The following PPM1H variants were observed in gnomAD, a reference collection of about 807,000 sequenced individuals.
PPM1H encodes the protein protein phosphatase 1H.
A neutral mutation model predicts 54.9 loss-of-function variants in PPM1H; 27 were observed. The observed-to-expected ratio is 0.49, with a 90% CI of 0.36 to 0.68. The LOEUF (loss-of-function observed/expected upper bound fraction) is 0.68. Among genes scored for constraint, PPM1H ranks in the 30% least tolerant of loss-of-function variants. The pLI is 0.00. For synonymous variants in PPM1H, 305 were observed against 270.8 expected, an observed-to-expected ratio of 1.13 and a Z score of -1.24; for missense variants, 596 against 667.8, an observed-to-expected ratio of 0.89 and a Z score of 1.19.
chr12:62,903,582 T>C (rs1002911585), intron 1 of PPM1H, among the ~76,000 whole-genome samples: 1 of 152,182 alleles, frequency 6.6e-6, no homozygotes, highest in Admixed American at 6.5e-5. Flanking sequence ...TGATTTTAGA[T>C]ACACTCAGAC....
chr12:62,675,148 G>A (rs534145413), intron 8 of PPM1H, among the ~76,000 whole-genome samples: 1 of 152,322 alleles, frequency 6.6e-6, no homozygotes, highest in South Asian at 2.1e-4. Context: ...ATATGCCACA[G>A]ATACTCTTGA....
chr12:62,826,803 T>C (rs1472605467), intron 2 of PPM1H, among the ~76,000 whole-genome samples: 2 of 152,222 alleles, frequency 1.3e-5, no homozygotes, highest in Non-Finnish European at 2.9e-5. Context: ...CGGTTTGCCA[T>C]CCTTCATGCC....
At chr12:62,849,171 G>A (rs1869086524) in intron 1 of PPM1H, among the ~76,000 whole-genome samples, 1 of 152,150 alleles carries the variant, frequency 6.6e-6, no homozygotes, top group South Asian at 2.1e-4. Flanking sequence ...CATCTGGATT[G>A]CTCAGCACAT....
chr12:62,781,731 G>A (rs770217291), intron 4 of PPM1H, among the ~76,000 whole-genome samples: 1 of 152,238 alleles, frequency 6.6e-6, no homozygotes. Context: ...GTACCTGAGA[G>A]AGGAAGGTCA....
At chr12:62,830,546 C>T (rs1592622537) in intron 2 of PPM1H, among the ~76,000 whole-genome samples, 1 of 151,956 alleles carries the variant, frequency 6.6e-6, no homozygotes, top group African/African-American at 2.4e-5. Context: ...TGAGCCACCG[C>T]ACCCAGCCTG....
At chr12:62,930,585 C>T (rs699590) in intron 1 of PPM1H, among the ~76,000 whole-genome samples, 148,326 of 152,274 alleles carry the variant, frequency 0.97, 72,367 homozygotes, top group East Asian at 1. Context: ...GGATAAAAAT[C>T]GGGCAAACAG....
chr12:62,873,559 G>A (rs1233974418), intron 1 of PPM1H, among the ~76,000 whole-genome samples: 3 of 152,174 alleles, frequency 2.0e-5, no homozygotes, highest in Non-Finnish European at 4.4e-5. Flanking sequence ...ACACAGGGAG[G>A]TGAAAGTTAC....
chr12:62,857,128 T>C (rs2120955816), intron 1 of PPM1H, among the ~76,000 whole-genome samples: 1 of 152,304 alleles, frequency 6.6e-6, no homozygotes. Flanking sequence ...TTTCAGTGTG[T>C]GCGTGTGGTG....
chr12:62,808,294 G>C (rs2076816991), intron 2 of PPM1H, among the ~76,000 whole-genome samples: 1 of 152,078 alleles, frequency 6.6e-6, no homozygotes, highest in South Asian at 2.1e-4. Flanking sequence ...AACTGCTCTA[G>C]GTCACCACCT....
Position 62,934,661 on chromosome 12 carries a change from C to A in PPM1H, c.76G>T (p.Gly26Cys), listed in dbSNP as rs749669503. 2.5e-6 allele frequency: 4 copies of A among 1,601,364 alleles called. No individual in the cohort carries two copies. Among genetic ancestry groups the A allele is most frequent in the Admixed American group, 1.7e-5 (1 of 58,876 alleles). The change falls in exon 1 of 10, where the codon GGC (glycine) becomes TGC (cysteine). Residue 26 changes from glycine to cysteine, a missense_variant. By Grantham distance (159) the Gly-to-Cys change is radical (BLOSUM62 -3). This residue lies in a region of PPM1H where 382 missense variants were observed against 387.1 expected (regional missense o/e 0.99). Coordinates refer to ENST00000228705, the MANE Select transcript of PPM1H (RefSeq NM_020700.2). The surrounding 1 kb of genome is among the most constrained non-coding windows in gnomAD (Gnocchi z 4.2). ...IMAGSSGSEH[G>C]GGSCGGSDLP... Reference sequence around the variant, plus strand: ...TCCGAGCCTCCGCAGCTGCCGCCGCCGTGCTCGGAGCCTGAGCTGCCAGCC... The same window carrying A: ...TCCGAGCCTCCGCAGCTGCCGCCGCAGTGCTCGGAGCCTGAGCTGCCAGCC...
At chr12:62,794,975 G>A (rs570651859) in intron 3 of PPM1H, among the ~76,000 whole-genome samples, 9 of 152,224 alleles carry the variant, frequency 5.9e-5, no homozygotes, top group Middle Eastern at 3.4e-3. Flanking sequence ...GGAGGGATTC[G>A]CTACATAGCC....
intron 2 of PPM1H, 54 bp downstream of exon 2, chr12:62,832,060 C>T (rs1868370358): frequency 6.3e-7 from 1 of 1,580,340 alleles, no homozygotes; most frequent in Non-Finnish European, 8.7e-7. Flanking sequence ...CCAGTGGGAC[C>T]AAAGTGTGTG....
intron 4 of PPM1H, among the ~76,000 whole-genome samples, chr12:62,762,405 CTT>C (rs1265395415): frequency 1.3e-5 from 2 of 152,216 alleles, no homozygotes; most frequent in African/African-American, 4.8e-5. Context: ...GGACAGGAAA[CTT>C]CAGAAGCTCG....
chr12:62,867,575 T>A (rs983272488), intron 1 of PPM1H, among the ~76,000 whole-genome samples: 24 of 105,646 alleles, frequency 2.3e-4, no homozygotes, highest in Admixed American at 5.3e-4. Flanking sequence ...TTTTTTTTTT[T>A]TTTTTTTTTT....
chr12:62,679,517 A>G (rs1436081257), intron 8 of PPM1H, among the ~76,000 whole-genome samples: 1 of 152,174 alleles, frequency 6.6e-6, no homozygotes, highest in African/African-American at 2.4e-5. Context: ...AGGGGGATAC[A>G]TGTTTTGTGA....
intron 1 of PPM1H, among the ~76,000 whole-genome samples, chr12:62,874,433 A>G (rs531274177): frequency 6.6e-6 from 1 of 152,280 alleles, no homozygotes; most frequent in South Asian, 2.1e-4. Context: ...AAATTTAAAA[A>G]CAGGGCATAC....
intron 1 of PPM1H, among the ~76,000 whole-genome samples, chr12:62,899,622 G>A (rs185935887): frequency 2.6e-5 from 4 of 152,104 alleles, no homozygotes; most frequent in Non-Finnish European, 2.9e-5. Flanking sequence ...GCAGAGAACC[G>A]CAGGGACAGG....
chr12:62,874,125 A>T (rs1870083086), intron 1 of PPM1H, among the ~76,000 whole-genome samples: 1 of 152,234 alleles, frequency 6.6e-6, no homozygotes. Flanking sequence ...CCGAAATGCA[A>T]GAAGCCACTG....
At chr12:62,858,258 A>G (rs565384570) in intron 1 of PPM1H, among the ~76,000 whole-genome samples, 1 of 152,256 alleles carries the variant, frequency 6.6e-6, no homozygotes, top group African/African-American at 2.4e-5. Context: ...ACTCAGTAGT[A>G]TTCATCTTTG....
Sources: gnomAD v4.1 joint callset for allele counts (sites outside exome capture counted in the v4.1 genomes callset) on GRCh38, gnomAD v4.1.1 for gene constraint, gnomAD v4.1.1 regional missense constraint, Gnocchi (gnomAD v3.1) non-coding constraint, MANE v1.5 for transcripts, NCBI Gene and HGNC (gene_info 2026-07-23, HGNC 2026-07-21) for gene names.